SHROOM3: variants seen among roughly 807,000 people sequenced by gnomAD.
SHROOM3 encodes protein Shroom3.
Under a neutral mutation model 138.6 loss-of-function variants are expected in SHROOM3, and 47 were observed. The ratio of observed to expected loss-of-function variants is 0.34; its 90% CI spans 0.27 to 0.43. The LOEUF is 0.43. Among genes scored for constraint, SHROOM3 ranks in the 20% least tolerant of loss-of-function variants. The pLI is 1.00. For synonymous variants in SHROOM3, 1,062 were observed against 1,063.3 expected, an observed-to-expected ratio of 1.00 and a Z score of 0.02; for missense variants, 2,491 against 2,596.5, an observed-to-expected ratio of 0.96 and a Z score of 0.88.
At chr4:76,551,165 C>T (rs1446674448) in intron 1 of SHROOM3, among the ~76,000 whole-genome samples, 4 of 151,906 alleles carry the variant, frequency 2.6e-5, no homozygotes, top group Non-Finnish European at 5.9e-5. Flanking sequence ...GCCACCACAT[C>T]CGGCTAATTC....
chr4:76,555,641 C>T lies in SHROOM3; in HGVS notation c.201C>T (p.Ser67=), dbSNP rs1733468822. ...VEEGGKADTL[S]SKLQAGDEVV... ...AAGGGGGCAAAGCAGACACCCTGAGCTCCAAACTGCAGGCTGGGGATGAGG... is the reference window on the plus strand; with the variant it reads ...AAGGGGGCAAAGCAGACACCCTGAGTTCCAAACTGCAGGCTGGGGATGAGG... Residue 67 remains serine, a synonymous_variant, in exon 2 of 11, where the codon AGC becomes AGT. Transcript: ENST00000296043. 6 of 1,613,852 alleles carry T rather than the reference C, an allele frequency of 3.7e-6. No individual in the cohort carries two copies. The South Asian group carries it at 5.5e-5, about 15-fold the overall frequency.
intron 1 of SHROOM3, among the ~76,000 whole-genome samples, chr4:76,500,564 T>C (rs376095208): frequency 8.5e-5 from 13 of 152,290 alleles, no homozygotes; most frequent in African/African-American, 2.9e-4. Context: ...CCATTTTTTT[T>C]CCTACTAGCA....
At chr4:76,466,575 T>A (rs1488066772) in intron 1 of SHROOM3, among the ~76,000 whole-genome samples, 1 of 152,236 alleles carries the variant, frequency 6.6e-6, no homozygotes. Flanking sequence ...TTTAACCTGA[T>A]GCAGAAGTAG....
At chr4:76,588,330 CT>C (rs1734192839) in intron 2 of SHROOM3, among the ~76,000 whole-genome samples, 1 of 152,136 alleles carries the variant, frequency 6.6e-6, no homozygotes, top group African/African-American at 2.4e-5. Flanking sequence ...GATTAAGTAT[CT>C]TAAGTTTATT....
chr4:76,443,646 A>G (rs4859673), intron 1 of SHROOM3, among the ~76,000 whole-genome samples: 108,946 of 152,084 alleles, frequency 0.72, 39,373 homozygotes, highest in East Asian at 0.79. Context: ...AAAATGAGGC[A>G]AAGATTCTCT....
Position 76,596,622 on chromosome 4 carries a change from A to ACT in SHROOM3, c.323+40860_323+40861insTC, listed in dbSNP as rs1267162709. Among the ~76,000 whole-genome samples, 62 of 146,312 alleles carry ACT rather than the reference A, an allele frequency of 4.2e-4. 1 individual carries two copies. Among genetic ancestry groups the ACT allele is most frequent in the African/African-American group, 1.6e-3 (60 of 38,100 alleles). On this transcript the variant is annotated intron_variant, in intron 2 of 10. Coordinates refer to ENST00000296043, the MANE Select transcript of SHROOM3 (RefSeq NM_020859.4). The stretch of plus-strand genomic sequence containing the variant: ...CACACACACACACACACACACACAC[A>ACT]CACTCTCCAACAGATGCTGCCTCTC...
In SHROOM3 at chr4:76,778,901, G is replaced by A. The variant is rs1252313390; in HGVS notation, c.5715G>A (p.Val1905=). 1 of 1,613,470 alleles carries A rather than the reference G, an allele frequency of 6.2e-7. No individual in the cohort carries two copies. Among genetic ancestry groups the A allele is most frequent in the East Asian group, 2.2e-5 (1 of 44,890 alleles). The part of the protein sequence containing the change: ...KENLDRRERV[V]LGILANYLSE... ...ACCTGGATCGCAGGGAGCGAGTAGT[G>A]CTGGGCATCTTGGCCAATTACCTTT... Residue 1905 remains valine (V), a synonymous_variant, in exon 11 of 11, where the codon GTG becomes GTA. Transcript: ENST00000296043.
chr4:76,639,781 A>G (rs1452499230), intron 2 of SHROOM3: 1 of 394,680 alleles, frequency 2.5e-6, no homozygotes, highest in Non-Finnish European at 4.5e-6. Context: ...GGAAGTTCTT[A>G]CTTGGCACAC....
intron 1 of SHROOM3, among the ~76,000 whole-genome samples, chr4:76,490,728 T>C (rs553020381): frequency 1.3e-5 from 2 of 152,318 alleles, no homozygotes; most frequent in South Asian, 4.1e-4. Flanking sequence ...AGACACCTCA[T>C]ATATGTTACC....
At chr4:76,515,213 TAAAAA>T (rs67216189) in intron 1 of SHROOM3, among the ~76,000 whole-genome samples, 23,435 of 112,714 alleles carry the variant, frequency 0.21, 2,228 homozygotes, top group African/African-American at 0.3. Context: ...AAACTCTGTC[TAAAAA>T]AAAAAAAAAA....
chr4:76,759,539 G>A lies in SHROOM3; in HGVS notation c.5199-6G>A. ...GTGGCTATACTTTGTGCTCTTTTTG[G>A]CCCAGGAATGAAGACAAGGAAGCAG... On this transcript the variant is annotated splice_polypyrimidine_tract_variant and splice_region_variant and intron_variant, in intron 8 of 10. Coordinates refer to ENST00000296043, the MANE Select transcript of SHROOM3 (RefSeq NM_020859.4). 1.2e-6 allele frequency: 2 copies of A among 1,613,918 alleles called. No individual in the cohort carries two copies. Among genetic ancestry groups the A allele is most frequent in the South Asian group, 2.2e-5 (2 of 91,062 alleles).
At chr4:76,460,855 A>C (rs960059157) in intron 1 of SHROOM3, among the ~76,000 whole-genome samples, 1 of 150,714 alleles carries the variant, frequency 6.6e-6, no homozygotes, top group African/African-American at 2.4e-5. Context: ...TTAGCCAGGC[A>C]TGGTAGTATG....
chr4:76,467,502 A>G (rs192616622), intron 1 of SHROOM3, among the ~76,000 whole-genome samples: 1 of 152,288 alleles, frequency 6.6e-6, no homozygotes, highest in East Asian at 1.9e-4. Flanking sequence ...TGTGAAGGCT[A>G]AGCAAATACT....
chr4:76,446,761 G>T (rs931942755), intron 1 of SHROOM3, among the ~76,000 whole-genome samples: 9 of 152,192 alleles, frequency 5.9e-5, no homozygotes, highest in Non-Finnish European at 1.2e-4. Flanking sequence ...ATGAGCCCCG[G>T]TTATGAGCTG....
At chr4:76,688,947 C>T in intron 2 of SHROOM3, 1 of 954,910 alleles carries the variant, frequency 1.0e-6, no homozygotes, top group Non-Finnish European at 1.2e-6. Context: ...TGGTTATTTT[C>T]CTTGTAATGC....
chr4:76,687,951 G>C lies in SHROOM3; in HGVS notation c.324-22205G>C, dbSNP rs571752786. Among the ~76,000 whole-genome samples the C allele has an allele frequency of 6.6e-5, 10 of 152,288 alleles. No individual in the cohort carries two copies. In the East Asian group the frequency reaches 1.9e-3, roughly 29 times the overall value. ...ATCTGTTCTGCCCACAGAGCTCCTG[G>C]CTGTGTTCTCCAGCTAATACTTCTT... is the stretch of plus-strand genomic sequence containing the variant. On this transcript the variant is annotated intron_variant, in intron 2 of 10. Coordinates refer to ENST00000296043, the MANE Select transcript of SHROOM3 (RefSeq NM_020859.4).
intron 1 of SHROOM3, among the ~76,000 whole-genome samples, chr4:76,534,896 T>TC (rs34085333): frequency 0.68 from 102,755 of 151,836 alleles, 35,146 homozygotes; most frequent in East Asian, 0.94. Context: ...TTTGACTTCC[T>TC]CTTAAGGACC....
intron 2 of SHROOM3, among the ~76,000 whole-genome samples, chr4:76,659,032 C>CAAA (rs34981910): frequency 4.1e-5 from 6 of 146,264 alleles, no homozygotes; most frequent in African/African-American, 7.5e-5. Flanking sequence ...TTAAACAAAC[C>CAAA]AAAAAAAAAA....
chr4:76,536,093 G>A (rs1400547839), intron 1 of SHROOM3, among the ~76,000 whole-genome samples: 1 of 152,164 alleles, frequency 6.6e-6, no homozygotes, highest in Non-Finnish European at 1.5e-5. Context: ...AAATATTTGG[G>A]CCACCCAGTA....
Sources: gnomAD v4.1 joint callset for allele counts (sites outside exome capture counted in the v4.1 genomes callset) on GRCh38, gnomAD v4.1.1 for gene constraint, MANE v1.5 for transcripts, NCBI Gene and HGNC (gene_info 2026-07-23, HGNC 2026-07-21) for gene names.